UBE2U: variants seen among roughly 807,000 people sequenced by gnomAD.
UBE2U encodes the protein ubiquitin conjugating enzyme E2 U, also known as ubiquitin-conjugating enzyme E2 U.
A neutral mutation model predicts 41.2 loss-of-function variants in UBE2U; 39 were observed. The observed-to-expected ratio is 0.95, with a 90% CI of 0.73 to 1.24. The LOEUF (loss-of-function observed/expected upper bound fraction) is 1.24, where lower values mean the gene tolerates loss of function less well. UBE2U is among the 50% of genes most tolerant of loss of function. The pLI is 0.00. For synonymous variants in UBE2U, 107 were observed against 117.8 expected, an observed-to-expected ratio of 0.91 and a Z score of 0.60; for missense variants, 336 against 363.1, an observed-to-expected ratio of 0.93 and a Z score of 0.61.
chr1:64,242,932 A>G (rs894451418), intron 8 of UBE2U, among the ~76,000 whole-genome samples: 1 of 152,130 alleles, frequency 6.6e-6, no homozygotes, highest in Non-Finnish European at 1.5e-5. Flanking sequence ...CCTTTAACAG[A>G]ACTGTTTTAT....
intron 3 of UBE2U, among the ~76,000 whole-genome samples, 184 bp from the exon 4 acceptor site, chr1:64,210,558 G>A (rs533546326): frequency 6.6e-6 from 1 of 152,304 alleles, no homozygotes; most frequent in Non-Finnish European, 1.5e-5. Context: ...TATGTATTCA[G>A]CTAAAACAAC....
At chr1:64,206,923 T>A in intron 3 of UBE2U, 67 bp downstream of exon 3, 1 of 929,482 alleles carries the variant, frequency 1.1e-6, no homozygotes, top group East Asian at 2.6e-5. Flanking sequence ...CTTATAATAA[T>A]CATGTTTCTT....
intron 8 of UBE2U, among the ~76,000 whole-genome samples, chr1:64,254,206 C>T (rs1199917501): frequency 6.6e-6 from 1 of 152,138 alleles, no homozygotes; most frequent in Non-Finnish European, 1.5e-5. Flanking sequence ...ACAACAAGAG[C>T]TAATTATCCT....
Position 64,265,738 on chromosome 1 carries a change from C to A in UBE2U, c.770-1286C>A, listed in dbSNP as rs573920270. ...AGATTACAGGCTCCTGCCACCACAC[C>A]CGGCTAATTTTTGTATTTTAGTAGA... On this transcript the variant is annotated intron_variant, in intron 9 of 9. Coordinates refer to ENST00000371077, the MANE Select transcript of UBE2U (RefSeq NM_001366232.2). Among the ~76,000 whole-genome samples, 8 of 152,032 alleles carry A rather than the reference C, an allele frequency of 5.3e-5. No homozygotes were observed. The South Asian group carries it at 1.7e-3, about 32-fold the overall frequency.
intron 9 of UBE2U, 83 bp downstream of exon 9, chr1:64,260,777 T>A: frequency 8.9e-7 from 1 of 1,126,354 alleles, no homozygotes; most frequent in Non-Finnish European, 1.3e-6. Context: ...TTTTTCCATT[T>A]AAGTAAGTTG....
At chr1:64,213,782 G>A (rs896237383) in intron 4 of UBE2U, among the ~76,000 whole-genome samples, 13 of 152,060 alleles carry the variant, frequency 8.5e-5, no homozygotes, top group South Asian at 2.1e-4. Context: ...ACATTTCATC[G>A]TTGTTTGAAA....
chr1:64,215,898 G>A (rs1406531602), intron 5 of UBE2U, among the ~76,000 whole-genome samples: 3 of 152,186 alleles, frequency 2.0e-5, no homozygotes, highest in Admixed American at 6.5e-5. Context: ...ACAGCTGAGA[G>A]CTGGGCTCCT....
At chr1:64,257,714 G>A (rs968188133) in intron 8 of UBE2U, among the ~76,000 whole-genome samples, 1 of 152,026 alleles carries the variant, frequency 6.6e-6, no homozygotes, top group African/African-American at 2.4e-5. Context: ...AATCCACCAT[G>A]GCACACGTTT....
chr1:64,232,562 C>G lies in UBE2U; in HGVS notation c.508C>G (p.Pro170Ala), dbSNP rs2100393876. 1 of 1,607,624 alleles carries G rather than the reference C, an allele frequency of 6.2e-7. No homozygotes were observed. The highest frequency in any genetic ancestry group is 1.1e-5 in the South Asian group (1 of 89,630). Residue 170 changes from proline (P) to alanine (A), a missense_variant and splice_region_variant, in exon 7 of 10, where the codon CCA (proline) becomes GCA (alanine). Pro to Ala is a conservative substitution (Grantham distance 27). Transcript: ENST00000371077. Reference sequence around the variant, plus strand: ...TCTGATTTTTATTTATATTTTCAGACCAATTAAAACAACCTCATTTAGTGA... The same window carrying G: ...TCTGATTTTTATTTATATTTTCAGAGCAATTAAAACAACCTCATTTAGTGA... ...LPKDPRKCIR[P>A]IKTTSFSDYY... is the part of the protein sequence containing the mutation.
intron 5 of UBE2U, among the ~76,000 whole-genome samples, chr1:64,217,777 C>G (rs1377393195): frequency 6.6e-6 from 1 of 151,976 alleles, no homozygotes; most frequent in East Asian, 1.9e-4. Context: ...AGTCATAATA[C>G]TAGAATAAAG....
chr1:64,205,155 T>C (rs1413340456), intron 1 of UBE2U, among the ~76,000 whole-genome samples: 2 of 152,212 alleles, frequency 1.3e-5, no homozygotes, highest in Non-Finnish European at 2.9e-5. Context: ...TGTCCCTCCA[T>C]TGGAACAACT....
intron 8 of UBE2U, among the ~76,000 whole-genome samples, chr1:64,251,003 T>G (rs997928368): frequency 6.6e-6 from 1 of 151,876 alleles, no homozygotes; most frequent in Non-Finnish European, 1.5e-5. Flanking sequence ...ACATGGCACA[T>G]GTATACATAT....
chr1:64,244,456 C>G (rs1644888388), intron 8 of UBE2U: 1 of 191,668 alleles, frequency 5.2e-6, no homozygotes, highest in African/African-American at 2.4e-5. Flanking sequence ...TCATGCCACC[C>G]TACTTTTCAG....
At chr1:64,207,325 A>G (rs2100242774) in intron 3 of UBE2U, among the ~76,000 whole-genome samples, 1 of 152,116 alleles carries the variant, frequency 6.6e-6, no homozygotes, top group East Asian at 1.9e-4. Context: ...TAGTTTTTGT[A>G]TTTTTAGCAG....
intron 8 of UBE2U, among the ~76,000 whole-genome samples, chr1:64,259,875 C>T (rs1369527991): frequency 6.6e-6 from 1 of 151,732 alleles, no homozygotes; most frequent in Non-Finnish European, 1.5e-5. Flanking sequence ...AATCATGTCC[C>T]CACAAAACAA....
chr1:64,225,928 A>G (rs937777010), intron 6 of UBE2U, among the ~76,000 whole-genome samples: 1 of 152,262 alleles, frequency 6.6e-6, no homozygotes, highest in African/African-American at 2.4e-5. Context: ...ATCACTTTAC[A>G]TGCCCACAAC....
At chr1:64,262,834 T>C (rs1645198455) in intron 9 of UBE2U, among the ~76,000 whole-genome samples, 1 of 152,216 alleles carries the variant, frequency 6.6e-6, no homozygotes, top group South Asian at 2.1e-4. Context: ...TCTTGGAGTC[T>C]GTCCGGCACA....
chr1:64,218,631 T>G (rs1652194523), intron 5 of UBE2U, among the ~76,000 whole-genome samples: 1 of 152,230 alleles, frequency 6.6e-6, no homozygotes, highest in African/African-American at 2.4e-5. Flanking sequence ...TTTTAGATAT[T>G]ATTTATAGAC....
At chr1:64,206,638 A>G (rs1029611774) in intron 2 of UBE2U, 126 bp from the exon 3 acceptor site, 1 of 610,310 alleles carries the variant, frequency 1.6e-6, no homozygotes, top group Admixed American at 3.2e-5. Flanking sequence ...GCACTCTATG[A>G]ATCAATTTAC....
Sources: gnomAD v4.1 joint callset for allele counts (sites outside exome capture counted in the v4.1 genomes callset) on GRCh38, gnomAD v4.1.1 for gene constraint, MANE v1.5 for transcripts, NCBI Gene and HGNC (gene_info 2026-07-23, HGNC 2026-07-21) for gene names.